The following NOMO1 variants were observed in gnomAD, a reference collection of about 807,000 sequenced individuals.
The protein encoded by NOMO1 is NODAL modulator 1.
In NOMO1, 40 loss-of-function variants were observed where a neutral mutation model predicts 133.8. That is an observed-to-expected ratio of 0.30 (90% confidence interval 0.23 to 0.39). The LOEUF (loss-of-function observed/expected upper bound fraction) is 0.39. Among genes scored for constraint, NOMO1 ranks in the 10% least tolerant of loss-of-function variants. The pLI is 1.00. For synonymous variants in NOMO1, 236 were observed against 570.5 expected (o/e 0.41, Z 8.36); for missense variants, 462 against 1,419.9 (o/e 0.33, Z 10.84).
chr16:14,878,922 C>T lies in NOMO1; in HGVS notation c.2757+88C>T, dbSNP rs1175910218. 1.4e-5 allele frequency: 22 copies of T among 1,571,016 alleles called. 1 individual carries two copies. The highest frequency in any genetic ancestry group is 1.2e-4 in the Admixed American group (7 of 59,858). The stretch of plus-strand genomic sequence containing the variant: ...GCGAGACTTACGTGTTGCTTGACAA[C>T]GTGAGAAGAGAAAGCCAATGTGGAG... On this transcript the variant is annotated intron_variant, in intron 23 of 30. Coordinates refer to ENST00000287667, the MANE Select transcript of NOMO1 (RefSeq NM_014287.4).
intron 6 of NOMO1, among the ~76,000 whole-genome samples, chr16:14,851,083 CAAAAAA>C (rs61323903): frequency 1.0e-5 from 1 of 97,280 alleles, no homozygotes; most frequent in Admixed American, 1.1e-4. Flanking sequence ...GACTCCATCT[CAAAAAA>C]AAAAAAAAAA....
chr16:14,850,676 T>G (rs1312596449), intron 6 of NOMO1, among the ~76,000 whole-genome samples: 1 of 151,750 alleles, frequency 6.6e-6, no homozygotes, highest in Non-Finnish European at 1.5e-5. Context: ...TTATTTTTAC[T>G]CTGTAGGTTT....
At chr16:14,882,735 C>A in intron 26 of NOMO1, 58 bp downstream of exon 26, 1 of 1,611,376 alleles carries the variant, frequency 6.2e-7, no homozygotes, top group Non-Finnish European at 8.5e-7. Context: ...GATCAGAAGT[C>A]CTCCCGTCTC....
At chr16:14,871,336 C>T (rs1964077777) in intron 16 of NOMO1, among the ~76,000 whole-genome samples, 1 of 151,664 alleles carries the variant, frequency 6.6e-6, no homozygotes, top group Admixed American at 6.6e-5. Flanking sequence ...GTGCATGGGT[C>T]CGTTCACCTG....
chr16:14,884,479 A>G lies in NOMO1; in HGVS notation c.3219A>G (p.Leu1073=), dbSNP rs1361766553. The change falls in exon 27 of 31, where the codon TTA becomes TTG. Residue 1073 remains leucine, a synonymous_variant. Transcript: ENST00000287667. The stretch of plus-strand genomic sequence containing the variant: ...CTTCCTCTGAATACCTTCCTACATT[A>G]TGGGTAAGTCCAGACTTTTAAGCTC... ...VITSSEYLPT[L]WVKLYKSENL... 8.7e-6 allele frequency: 14 copies of G among 1,611,642 alleles called. No homozygotes were observed. The highest frequency in any genetic ancestry group is 1.1e-5 in the Non-Finnish European group (13 of 1,179,746).
Position 14,839,876 on chromosome 16 carries a change from G to T in NOMO1, c.255+1380G>T, listed in dbSNP as rs549044981. On this transcript the variant is annotated intron_variant, in intron 2 of 30. Coordinates refer to ENST00000287667, the MANE Select transcript of NOMO1 (RefSeq NM_014287.4). Reference sequence around the variant, plus strand: ...TCTGCCTCAGCCTCCCAAGTAGCTGGGATTACAGGCACCCACCACCATGCC... The same window carrying T: ...TCTGCCTCAGCCTCCCAAGTAGCTGTGATTACAGGCACCCACCACCATGCC... Among the ~76,000 whole-genome samples the T allele has an allele frequency of 3.1e-4, 46 of 149,876 alleles. 1 individual carries two copies. In the South Asian group the frequency reaches 9.8e-3, roughly 32 times the overall value.
At position 14,881,408 on chromosome 16, in the gene NOMO1, ACT is replaced by A. The variant is rs538874899; in HGVS notation, c.2886-135_2886-134del. The A allele has an allele frequency of 2.0e-3, 3,155 of 1,598,592 alleles. 13 individuals are homozygous for A. Among genetic ancestry groups the A allele is most frequent in the Non-Finnish European group, 2.5e-3 (2,915 of 1,169,262 alleles). On this transcript the variant is annotated intron_variant, in intron 24 of 30. Coordinates refer to ENST00000287667, the MANE Select transcript of NOMO1 (RefSeq NM_014287.4). ...TGTGGTTTGGAAGTGGGCCGGCCAC[ACT>A]GAGTTGCCTGGGTCATTGAGGCACA...
intron 1 of NOMO1, among the ~76,000 whole-genome samples, chr16:14,837,345 A>G (rs1037512488): frequency 1.3e-5 from 2 of 152,088 alleles, no homozygotes; most frequent in South Asian, 2.1e-4. Context: ...ATTCTGTAGC[A>G]GGTGCTTAAT....
rs953311399 is a variant in NOMO1, at chr16:14,846,214, A to G, written c.403-363A>G. 4.1e-4 allele frequency among the ~76,000 whole-genome samples: 61 copies of G among 147,944 alleles called. No individual in the cohort carries two copies. The South Asian group carries it at 5.8e-3, about 14-fold the overall frequency. ...GCTAATTTTTGTATTTTTAGTAGAG[A>G]CAGGGTTTCACCATGTTGGCCAGGC... On this transcript the variant is annotated intron_variant, in intron 4 of 30. Transcript: ENST00000287667.
Position 14,886,832 on chromosome 16 carries a change from C to T in NOMO1, c.3294C>T (p.Phe1098=). The part of the protein sequence containing the change: ...QTVSLGQSLF[F]HFPPLLRDGE... The stretch of plus-strand genomic sequence containing the variant: ...TTTCCCTTGGCCAGTCCCTGTTCTT[C>T]CATTTCCCCCCACTGCTCAGAGACG... The change falls in exon 28 of 31, where the codon TTC becomes TTT. Residue 1098 remains phenylalanine (F), a synonymous_variant. Transcript: ENST00000287667. 6.2e-7 allele frequency: 1 copy of T among 1,611,778 alleles called. No homozygotes were observed. The highest frequency in any genetic ancestry group is 8.5e-7 in the Non-Finnish European group (1 of 1,179,826).
chr16:14,845,620 T>C lies in NOMO1; in HGVS notation c.402+846T>C, dbSNP rs147513574. Among the ~76,000 whole-genome samples, 87 of 152,082 alleles carry C rather than the reference T, an allele frequency of 5.7e-4. 1 individual carries two copies. Among genetic ancestry groups the C allele is most frequent in the South Asian group, 1.2e-3 (6 of 4,818 alleles). On this transcript the variant is annotated intron_variant, in intron 4 of 30. Coordinates refer to ENST00000287667, the MANE Select transcript of NOMO1 (RefSeq NM_014287.4). ...AGGGGAGAGTCATTTCTCCTCCACC[T>C]GCCCTGTGCCTGCGGTTGAGATGTG...
intron 11 of NOMO1, among the ~76,000 whole-genome samples, chr16:14,860,005 G>T (rs1251579433): frequency 6.6e-6 from 1 of 152,004 alleles, no homozygotes; most frequent in Non-Finnish European, 1.5e-5. Flanking sequence ...AGGTCAGGGA[G>T]CTCTGGGGCC....
At chr16:14,856,798 G>C (rs1033654724) in intron 9 of NOMO1, among the ~76,000 whole-genome samples, 16 of 152,062 alleles carry the variant, frequency 1.1e-4, no homozygotes, top group Admixed American at 1.0e-3. Flanking sequence ...GGAATCCACA[G>C]GACTGATCGA....
At chr16:14,838,244 A>C (rs1429813689) in intron 1 of NOMO1, among the ~76,000 whole-genome samples, 163 bp from the exon 2 acceptor site, 1 of 151,856 alleles carries the variant, frequency 6.6e-6, no homozygotes, top group African/African-American at 2.4e-5. Flanking sequence ...TTTGGGAGAG[A>C]GTTTGTTGAT....
intron 27 of NOMO1, 72 bp downstream of exon 27, chr16:14,884,554 T>G (rs1567548646): frequency 5.0e-6 from 8 of 1,608,010 alleles, no homozygotes; most frequent in Non-Finnish European, 6.8e-6. Context: ...TGGGATGTTT[T>G]TGGGTTTGTG....
intron 15 of NOMO1, among the ~76,000 whole-genome samples, chr16:14,867,894 C>CTTT (rs1358293793): frequency 9.3e-6 from 1 of 107,524 alleles, no homozygotes; most frequent in Admixed American, 9.3e-5. Flanking sequence ...TAATAAGATC[C>CTTT]TTTTTTTTTT....
At chr16:14,837,196 G>T (rs1196292202) in intron 1 of NOMO1, among the ~76,000 whole-genome samples, 4 of 151,672 alleles carry the variant, frequency 2.6e-5, no homozygotes, top group African/African-American at 9.7e-5. Context: ...TTTTTTTCTA[G>T]TAGGGATGAG....
Position 14,873,852 on chromosome 16 carries a change from G to GC in NOMO1, c.2055-1180dup, listed in dbSNP as rs1964113978. ...GACTGCTGACAGTTGCCCTCCATGA[G>GC]CCCCTCTGTGGTCTTTTCTGATTCA... is the stretch of plus-strand genomic sequence containing the variant. On this transcript the variant is annotated intron_variant, in intron 18 of 30. Transcript: ENST00000287667. 1.3e-5 allele frequency among the ~76,000 whole-genome samples: 2 copies of GC among 151,636 alleles called. 1 individual carries two copies. The highest frequency in any genetic ancestry group is 4.9e-5 in the African/African-American group (2 of 41,128).
chr16:14,853,071 G>A (rs1430451514), intron 7 of NOMO1: 2 of 207,204 alleles, frequency 9.7e-6, no homozygotes, highest in Non-Finnish European at 1.8e-5. Flanking sequence ...ATCTACACTG[G>A]GAGGCAGTGG....
Sources: allele counts gnomAD v4.1 joint callset (sites outside exome capture counted in the v4.1 genomes callset), GRCh38; gene constraint gnomAD v4.1.1; transcripts MANE v1.5; gene names NCBI Gene and HGNC (gene_info 2026-07-23, HGNC 2026-07-21).